Variants in C15orf39 observed in about 807,000 individuals in gnomAD.
C15orf39 encodes the protein PRMT2 interacting protein, also known as uncharacterized protein C15orf39.
In C15orf39, 24 loss-of-function variants were observed where a neutral mutation model predicts 53.9. The observed-to-expected ratio is 0.45, with a 90% CI of 0.32 to 0.63. C15orf39 has a LOEUF of 0.63. C15orf39 is among the 20% of genes least tolerant of loss of function. The probability of loss-of-function intolerance (pLI) is 0.04; values close to 1 mark genes in which losing one functional copy is unlikely to be tolerated. For synonymous variants in C15orf39, 569 were observed against 576.5 expected (o/e 0.99, Z 0.19); for missense variants, 1,271 against 1,347.9 (o/e 0.94, Z 0.89).
At position 75,207,428 on chromosome 15, in the gene C15orf39, G is replaced by A. The variant is rs1466474079; in HGVS notation, c.1380G>A (p.Pro460=). The A allele has an allele frequency of 5.6e-6, 9 of 1,613,410 alleles. No individual in the cohort carries two copies. In the East Asian group the frequency reaches 6.7e-5, roughly 12 times the overall value. Reference sequence around the variant, plus strand: ...CCCGGCTCAGTGAGCACTCTGGGCCGCCCATCGTCATCCGAGACAGTCCAG... The same window carrying A: ...CCCGGCTCAGTGAGCACTCTGGGCCACCCATCGTCATCCGAGACAGTCCAG... The part of the protein sequence containing the change: ...LQPRLSEHSG[P]PIVIRDSPVP... Residue 460 remains proline, a synonymous_variant, in exon 2 of 3, where the codon CCG becomes CCA. Transcript: ENST00000394987.
At position 75,208,311 on chromosome 15, in the gene C15orf39, T is replaced by A. The variant is rs1357456088; in HGVS notation, c.2263T>A (p.Ser755Thr). The A allele has an allele frequency of 6.3e-7, 1 of 1,575,782 alleles. No homozygotes were observed. The highest frequency in any genetic ancestry group is 8.6e-7 in the Non-Finnish European group (1 of 1,160,396). The change falls in exon 2 of 3, where the codon TCT becomes ACT. Residue 755 changes from serine to threonine, a missense_variant. Around this residue, in one of 2 missense-constraint regions of C15orf39, gnomAD observed 994 missense variants for 993.7 expected, o/e 1.00. Transcript: ENST00000394987. ...PAPVAGPAPA[S>T]TSAPGDSLEQ... is the part of the protein sequence containing the mutation. ...TCCAGTTGCAGGCCCTGCTCCAGCA[T>A]CTACTTCAGCCCCAGGGGACTCCCT... is the stretch of plus-strand genomic sequence containing the variant.
intron 1 of C15orf39, among the ~76,000 whole-genome samples, chr15:75,204,193 A>C (rs2070422693): frequency 6.6e-6 from 1 of 152,198 alleles, no homozygotes; most frequent in Non-Finnish European, 1.5e-5. Flanking sequence ...AGCAAGATTG[A>C]GCTAGGTGGT....
chr15:75,202,553 C>T (rs1289859689), intron 1 of C15orf39: 1 of 152,206 alleles, frequency 6.6e-6, no homozygotes, highest in Non-Finnish European at 1.5e-5. Context: ...TCTTGACTCA[C>T]CCCTCTGGCC....
In C15orf39 at chr15:75,205,992, A is replaced by G. The variant is rs1595954601; in HGVS notation, c.-50-7A>G. 58 of 1,466,644 alleles carry G rather than the reference A, an allele frequency of 4.0e-5. No homozygotes were observed. The East Asian group carries it at 1.4e-3, about 35-fold the overall frequency. The allele number at this position is 1,466,644 out of a possible 1,614,324, so 90.9% of individuals were successfully genotyped here. On this transcript the variant is annotated splice_region_variant and splice_polypyrimidine_tract_variant and intron_variant, in intron 1 of 2. Coordinates refer to ENST00000394987, the MANE Select transcript of C15orf39 (RefSeq NM_015492.5). ...TGACAGCCCCTGCCTTTCTCTCTCT[A>G]TCCCAGGTCAGAAGTTGAGTAGCAG...
upstream of C15orf39, among the ~76,000 whole-genome samples, chr15:75,199,324 A>G (rs1243004901): frequency 6.6e-6 from 1 of 152,196 alleles, no homozygotes; most frequent in Non-Finnish European, 1.5e-5. Context: ...GGGAGCAATG[A>G]GGAAATAGAG....
chr15:75,206,969 G>A lies in C15orf39; in HGVS notation c.921G>A (p.Leu307=), dbSNP rs2070444030. 1.3e-6 allele frequency: 2 copies of A among 1,578,670 alleles called. No individual in the cohort carries two copies. Among genetic ancestry groups the A allele is most frequent in the Admixed American group, 1.8e-5 (1 of 56,136 alleles). The part of the protein sequence containing the change: ...SYSPALPLQP[L]GGHKGTGYQA... ...GCCCAGCACTCCCACTGCAGCCTCT[G>A]GGGGGCCACAAGGGGACCGGGTACC... is the stretch of plus-strand genomic sequence containing the variant. The change falls in exon 2 of 3, where the codon CTG becomes CTA. Residue 307 remains leucine (L), a synonymous_variant. Transcript: ENST00000394987.
chr15:75,209,723 C>T (rs926760384), intron 2 of C15orf39: 5 of 152,254 alleles, frequency 3.3e-5, no homozygotes, highest in African/African-American at 1.2e-4. Context: ...CTGCTGCCCC[C>T]AATTCCACCC....
Position 75,207,980 on chromosome 15 carries a change from C to T in C15orf39, c.1932C>T (p.His644=). 1 of 1,614,026 alleles carries T rather than the reference C, an allele frequency of 6.2e-7. No homozygotes were observed. Among genetic ancestry groups the T allele is most frequent in the Non-Finnish European group, 8.5e-7 (1 of 1,180,040 alleles). Residue 644 remains histidine (H), a synonymous_variant, in exon 2 of 3, where the codon CAC becomes CAT. Coordinates refer to ENST00000394987, the MANE Select transcript of C15orf39 (RefSeq NM_015492.5). ...ATGCCATGCCAAGGACCAACTTCCA[C>T]AGCTCTGTGGCCTTCATGTTCCGAA... ...TTDAMPRTNF[H]SSVAFMFRKF...
chr15:75,207,710 C>T lies in C15orf39; in HGVS notation c.1662C>T (p.Ala554=), dbSNP rs1319629529. Residue 554 remains alanine (A), a synonymous_variant, in exon 2 of 3, where the codon GCC becomes GCT. Coordinates refer to ENST00000394987, the MANE Select transcript of C15orf39 (RefSeq NM_015492.5). ...QDKGCRGTLP[A]QEGPSGSKPL... is the part of the protein sequence containing the mutation. ...AAGGCTGCAGGGGGACCCTGCCTGC[C>T]CAGGAGGGCCCCTCAGGGAGTAAAC... 1.2e-6 allele frequency: 2 copies of T among 1,602,050 alleles called. No individual in the cohort carries two copies. Among genetic ancestry groups the T allele is most frequent in the Non-Finnish European group, 1.7e-6 (2 of 1,173,232 alleles).
rs150566462 is a variant in C15orf39, at chr15:75,208,481, G to A, written c.2433G>A (p.Val811=). ...GQAAWQDCQG[V]QGLLAKLLSQ... is the part of the protein sequence containing the mutation. ...CTGCGTGGCAGGACTGCCAGGGTGTGCAGGGGCTGCTGGCCAAGCTGCTGT... is the reference window on the plus strand; with the variant it reads ...CTGCGTGGCAGGACTGCCAGGGTGTACAGGGGCTGCTGGCCAAGCTGCTGT... Residue 811 remains valine, a synonymous_variant, in exon 2 of 3, where the codon GTG becomes GTA. Transcript: ENST00000394987. 160 of 1,597,560 alleles carry A rather than the reference G, an allele frequency of 1.0e-4. No homozygotes were observed. The African/African-American group carries it at 2.0e-3, about 20-fold the overall frequency.
Position 75,208,052 on chromosome 15 carries a change from G to A in C15orf39, c.2004G>A (p.Pro668=), listed in dbSNP as rs376027282. ...RPAPLPAAVV[P]STPTSAPAPT... ...CACCTTTGCCTGCAGCCGTGGTCCC[G>A]TCCACGCCCACCTCAGCTCCTGCTC... Residue 668 remains proline, a synonymous_variant, in exon 2 of 3, where the codon CCG becomes CCA. Coordinates refer to ENST00000394987, the MANE Select transcript of C15orf39 (RefSeq NM_015492.5). The A allele has an allele frequency of 1.4e-4, 225 of 1,613,920 alleles. No homozygotes were observed. In the Admixed American group the frequency reaches 1.7e-3, roughly 12 times the overall value.
In C15orf39 at chr15:75,210,733, T is replaced by A. The variant is rs1227439617; in HGVS notation, c.2777-16T>A. The stretch of plus-strand genomic sequence containing the variant: ...GGGTATGGGGTCTGCAGGCTGACTA[T>A]GTGTTCGTTTTCCAGGTGACTTTGA... On this transcript the variant is annotated splice_polypyrimidine_tract_variant and intron_variant, in intron 2 of 2. Coordinates refer to ENST00000394987, the MANE Select transcript of C15orf39 (RefSeq NM_015492.5). The A allele has an allele frequency of 6.3e-6, 10 of 1,590,886 alleles. No homozygotes were observed. The Admixed American group carries it at 1.7e-4, about 27-fold the overall frequency.
Position 75,206,468 on chromosome 15 carries a change from T to C in C15orf39, c.420T>C (p.Tyr140=), listed in dbSNP as rs1408450685. Residue 140 remains tyrosine, a synonymous_variant, in exon 2 of 3, where the codon TAT becomes TAC. Transcript: ENST00000394987. The part of the protein sequence containing the change: ...PKPVYRNPLC[Y]GLSTCLGEGA... ...CTGTCTACCGCAACCCTCTGTGCTA[T>C]GGGCTCTCAACTTGTCTGGGGGAAG... The C allele has an allele frequency of 6.2e-7, 1 of 1,614,114 alleles. No homozygotes were observed. Among genetic ancestry groups the C allele is most frequent in the Non-Finnish European group, 8.5e-7 (1 of 1,179,998 alleles).
At position 75,206,044 on chromosome 15, in the gene C15orf39, C is replaced by A; in HGVS notation, c.-5C>A. On this transcript the variant is annotated 5_prime_UTR_variant, in exon 2 of 3. Coordinates refer to ENST00000394987, the MANE Select transcript of C15orf39 (RefSeq NM_015492.5). The stretch of plus-strand genomic sequence containing the variant: ...GGCCTAGGAGGGCTCGAAGCCTTCA[C>A]AGCGATGGCAGAGAAGCGACCCCTG... 6.3e-7 allele frequency: 1 copy of A among 1,590,734 alleles called. No homozygotes were observed. Among genetic ancestry groups the A allele is most frequent in the East Asian group, 2.3e-5 (1 of 43,916 alleles).
intron 1 of C15orf39, 48 bp from the exon 2 acceptor site, chr15:75,205,951 C>A: frequency 7.8e-7 from 1 of 1,280,410 alleles, no homozygotes; most frequent in Non-Finnish European, 1.1e-6. Flanking sequence ...GTTGCTTTGC[C>A]TGTAGCCTGT....
chr15:75,200,304 G>A (rs1388620422), upstream of C15orf39, among the ~76,000 whole-genome samples: 1 of 152,186 alleles, frequency 6.6e-6, no homozygotes, highest in Non-Finnish European at 1.5e-5. Context: ...CAGCAGTGCT[G>A]CAAATCTTAA....
Position 75,207,958 on chromosome 15 carries a change from C to A in C15orf39, c.1910C>A (p.Ala637Asp). Residue 637 changes from alanine to aspartate, a missense_variant, in exon 2 of 3, where the codon GCC becomes GAC. Physicochemically the swap from Ala to Asp is moderately radical, Grantham distance 126. Transcript: ENST00000394987. ...GLPGVPVTTD[A>D]MPRTNFHSSV... ...CCTGGGGTGCCAGTGACCACAGATGCCATGCCAAGGACCAACTTCCACAGC... is the reference window on the plus strand; with the variant it reads ...CCTGGGGTGCCAGTGACCACAGATGACATGCCAAGGACCAACTTCCACAGC... The A allele has an allele frequency of 6.2e-7, 1 of 1,613,904 alleles. No homozygotes were observed. Among genetic ancestry groups the A allele is most frequent in the African/African-American group, 1.3e-5 (1 of 75,046 alleles).
At chr15:75,205,027 T>A (rs181462661) in intron 1 of C15orf39, among the ~76,000 whole-genome samples, 17 of 152,160 alleles carry the variant, frequency 1.1e-4, no homozygotes, top group African/African-American at 3.9e-4. Context: ...TACAGACTGA[T>A]GTCCCCAGTT....
At chr15:75,199,966 C>T (rs76307456), upstream of C15orf39, among the ~76,000 whole-genome samples, 27,403 of 152,114 alleles carry the variant, frequency 0.18, 3,295 homozygotes, top group Non-Finnish European at 0.27. Flanking sequence ...GCTCCACAGA[C>T]GACCATTGGT....
Sources: allele counts gnomAD v4.1 joint callset (sites outside exome capture counted in the v4.1 genomes callset), GRCh38; gene constraint gnomAD v4.1.1; regional missense constraint gnomAD v4.1.1; transcripts MANE v1.5; gene names NCBI Gene and HGNC (gene_info 2026-07-23, HGNC 2026-07-21).